Variants in USP34 observed in about 807,000 individuals in gnomAD.
The protein encoded by USP34 is ubiquitin specific peptidase 34, also known as ubiquitin carboxyl-terminal hydrolase 34.
A neutral mutation model predicts 460.3 loss-of-function variants in USP34; 70 were observed. The ratio of observed to expected loss-of-function variants is 0.15; its 90% confidence interval spans 0.13 to 0.19. The LOEUF (loss-of-function observed/expected upper bound fraction) is 0.19, where lower values mean the gene tolerates loss of function less well. Among genes scored for constraint, USP34 ranks in the 10% least tolerant of loss-of-function variants. USP34 has a pLI of 1.00. For synonymous variants in USP34, 1,647 were observed against 1,405.3 expected, an observed-to-expected ratio of 1.17 and a Z score of -3.85; for missense variants, 3,985 against 4,236.2, an observed-to-expected ratio of 0.94 and a Z score of 1.65.
chr2:61,394,238 C>T (rs190038497), intron 5 of USP34, among the ~76,000 whole-genome samples: 7 of 152,262 alleles, frequency 4.6e-5, no homozygotes, highest in Admixed American at 3.3e-4. Flanking sequence ...ATGTTACAAT[C>T]TTCATGTGTA....
chr2:61,230,721 G>A (rs1379507304), intron 58 of USP34, among the ~76,000 whole-genome samples: 2 of 151,746 alleles, frequency 1.3e-5, no homozygotes, highest in Admixed American at 6.6e-5. Flanking sequence ...GTGCGCGCCT[G>A]TAATCCCAGC....
chr2:61,202,747 A>C (rs939349963), intron 75 of USP34, among the ~76,000 whole-genome samples: 1 of 152,118 alleles, frequency 6.6e-6, no homozygotes, highest in Non-Finnish European at 1.5e-5. Flanking sequence ...GCTCCAAAGC[A>C]CAGCTGGCAC....
At chr2:61,466,338 T>C (rs998163886) in intron 1 of USP34, among the ~76,000 whole-genome samples, 4 of 151,842 alleles carry the variant, frequency 2.6e-5, no homozygotes, top group Non-Finnish European at 4.4e-5. Flanking sequence ...GGCAGGAGGA[T>C]TGCTTAAGCC....
chr2:61,302,590 T>C (rs1330243620), intron 27 of USP34, among the ~76,000 whole-genome samples: 1 of 152,224 alleles, frequency 6.6e-6, no homozygotes, highest in Non-Finnish European at 1.5e-5. Context: ...TTAACACAGA[T>C]ACAACATTTT....
At chr2:61,337,820 T>C (rs1163208612) in intron 18 of USP34, among the ~76,000 whole-genome samples, 1 of 152,148 alleles carries the variant, frequency 6.6e-6, no homozygotes, top group Non-Finnish European at 1.5e-5. Flanking sequence ...CACCAGGGTA[T>C]ATTTTGTTAG....
chr2:61,401,480 C>T (rs1693716821), intron 3 of USP34, among the ~76,000 whole-genome samples: 1 of 151,064 alleles, frequency 6.6e-6, no homozygotes, highest in Admixed American at 6.6e-5. Flanking sequence ...TCAAGTGGTC[C>T]TCTTGTCTTG....
At chr2:61,224,718 T>TA (rs1022264303) in intron 62 of USP34, among the ~76,000 whole-genome samples, 24 of 151,712 alleles carry the variant, frequency 1.6e-4, no homozygotes, top group African/African-American at 5.1e-4. Context: ...GCAAGTAAAC[T>TA]AAAAAAAAAT....
chr2:61,398,841 T>A (rs1256275383), intron 3 of USP34, among the ~76,000 whole-genome samples: 1 of 152,102 alleles, frequency 6.6e-6, no homozygotes, highest in African/African-American at 2.4e-5. Context: ...AGAAATGAAG[T>A]CTCAAAGTAA....
chr2:61,470,713 C>G lies in USP34; in HGVS notation c.-21G>C, dbSNP rs368580965. On this transcript the variant is annotated 5_prime_UTR_variant, in exon 1 of 80. Coordinates refer to ENST00000398571, the MANE Select transcript of USP34 (RefSeq NM_014709.4). ...CACATCGTTCGGCCGCCGCCCCCCC[C>G]CTCCCCCGCTTCGGATCACACTGAC... 1.6e-5 allele frequency: 26 copies of G among 1,588,232 alleles called. No individual in the cohort carries two copies. The highest frequency in any genetic ancestry group is 4.5e-5 in the South Asian group (4 of 89,232).
intron 11 of USP34, 39 bp downstream of exon 11, chr2:61,350,529 C>CG (rs775330310): frequency 9.0e-6 from 14 of 1,550,778 alleles, no homozygotes; most frequent in African/African-American, 2.8e-5. Flanking sequence ...TTTCACTTCA[C>CG]GGGAAAAAAA....
At chr2:61,222,481 T>C in intron 65 of USP34, 138 bp downstream of exon 65, 1 of 640,078 alleles carries the variant, frequency 1.6e-6, no homozygotes, top group East Asian at 2.9e-5. Flanking sequence ...TTTATTCACA[T>C]TATACACTTA....
intron 29 of USP34, among the ~76,000 whole-genome samples, chr2:61,298,587 G>GAAAAAA (rs1690116696): frequency 1.2e-5 from 1 of 82,972 alleles, no homozygotes. Flanking sequence ...CTGAAACAAT[G>GAAAAAA]AAATGCTTTC....
At chr2:61,290,743 A>G (rs899368641) in intron 33 of USP34, among the ~76,000 whole-genome samples, 1 of 152,196 alleles carries the variant, frequency 6.6e-6, no homozygotes, top group African/African-American at 2.4e-5. Flanking sequence ...CTCACTCTTT[A>G]AAATGAGTGC....
At position 61,187,555 on chromosome 2, in the gene USP34, CAA is replaced by C; in HGVS notation, c.*545_*546del. ...AAAAATAAAACAATTATTTTTACAT[CAA>C]GTGTGCTTTATTTCCTCCACAGGTA... On this transcript the variant is annotated 3_prime_UTR_variant, in exon 80 of 80. Transcript: ENST00000398571. 1.0e-6 allele frequency: 1 copy of C among 971,906 alleles called. No homozygotes were observed. Among genetic ancestry groups the C allele is most frequent in the Non-Finnish European group, 1.2e-6 (1 of 817,202 alleles). The allele number at this position is 971,906 out of a possible 1,614,324, so 60.2% of individuals were successfully genotyped here. A position where few individuals can be genotyped will look rare whatever the true frequency, so the allele number is the denominator to read the frequency against.
At chr2:61,427,241 G>T (rs912855081) in intron 1 of USP34, among the ~76,000 whole-genome samples, 7 of 152,150 alleles carry the variant, frequency 4.6e-5, no homozygotes, top group Non-Finnish European at 4.4e-5. Flanking sequence ...TGTTAGCCAG[G>T]ATAGTCTCGA....
intron 61 of USP34, 104 bp from the exon 62 acceptor site, chr2:61,227,322 G>C: frequency 1.5e-6 from 2 of 1,317,354 alleles, no homozygotes; most frequent in South Asian, 1.4e-5. Flanking sequence ...GCAGGAGCTT[G>C]TAACATGAAA....
chr2:61,388,328 G>C (rs1050592140), intron 5 of USP34, among the ~76,000 whole-genome samples: 3 of 152,048 alleles, frequency 2.0e-5, no homozygotes, highest in Non-Finnish European at 2.9e-5. Context: ...GCAAGGATAT[G>C]CAACTAGGGG....
Position 61,343,882 on chromosome 2 carries a change from T to C in USP34, c.2433A>G (p.Glu811=), listed in dbSNP as rs774337547. The C allele has an allele frequency of 6.2e-7, 1 of 1,614,026 alleles. No individual in the cohort carries two copies. Among genetic ancestry groups the C allele is most frequent in the South Asian group, 1.1e-5 (1 of 91,086 alleles). Reference sequence around the variant, plus strand: ...GATGTTGTTGGAGGTGAGATGTCAGTTCCGCATGTGAATTAATCTGAACTA... The same window carrying C: ...GATGTTGTTGGAGGTGAGATGTCAGCTCCGCATGTGAATTAATCTGAACTA... ...EELVQINSHA[E]LTSHLQQHLP... is the part of the protein sequence containing the mutation. Residue 811 remains glutamate (E), a synonymous_variant, in exon 16 of 80, where the codon GAA becomes GAG. Transcript: ENST00000398571.
intron 1 of USP34, among the ~76,000 whole-genome samples, chr2:61,463,748 C>CCAG (rs1695676958): frequency 6.6e-6 from 1 of 151,590 alleles, no homozygotes; most frequent in Non-Finnish European, 1.5e-5. Flanking sequence ...GCAGGAGAAT[C>CCAG]GCTTGAACCC....
Sources: allele counts gnomAD v4.1 joint callset (sites outside exome capture counted in the v4.1 genomes callset), GRCh38; gene constraint gnomAD v4.1.1; transcripts MANE v1.5; gene names NCBI Gene and HGNC (gene_info 2026-07-23, HGNC 2026-07-21).